FHOD3: variants seen among roughly 807,000 people sequenced by gnomAD.
FHOD3 encodes FH1/FH2 domain-containing protein 3.
Under a neutral mutation model 173.0 loss-of-function variants are expected in FHOD3, and 90 were observed. The ratio of observed to expected loss-of-function variants is 0.52; its 90% CI spans 0.44 to 0.62. The LOEUF (loss-of-function observed/expected upper bound fraction) is 0.62. Among genes scored for constraint, FHOD3 ranks in the 20% least tolerant of loss-of-function variants. The pLI, the probability that FHOD3 is intolerant of heterozygous loss-of-function variation, is 0.00. For missense variants in FHOD3, 1,945 were observed against 2,034.7 expected (o/e 0.96, Z 0.85); for synonymous variants, 828 against 823.0 (o/e 1.01, Z -0.10).
intron 19 of FHOD3, among the ~76,000 whole-genome samples, chr18:36,723,754 G>C (rs575457192): frequency 6.6e-6 from 1 of 152,288 alleles, no homozygotes; most frequent in Admixed American, 6.5e-5. Flanking sequence ...CCTCAGCCCA[G>C]TGTCTATTAT....
intron 3 of FHOD3, among the ~76,000 whole-genome samples, chr18:36,404,075 TCTC>T (rs964954397): frequency 1.3e-5 from 2 of 152,142 alleles, no homozygotes; most frequent in Admixed American, 6.6e-5. Context: ...TAACTTACGT[TCTC>T]CTCTCTTCCC....
At chr18:36,532,015 C>T (rs2146882003) in intron 5 of FHOD3, among the ~76,000 whole-genome samples, 1 of 152,342 alleles carries the variant, frequency 6.6e-6, no homozygotes, top group Non-Finnish European at 1.5e-5. Flanking sequence ...CTCCTGCCTG[C>T]CCTCAGCCTC....
At chr18:36,463,680 G>C (rs931368459) in intron 3 of FHOD3, among the ~76,000 whole-genome samples, 4 of 151,928 alleles carry the variant, frequency 2.6e-5, no homozygotes, top group Non-Finnish European at 4.4e-5. Context: ...ATTTTCTGTA[G>C]AGATAGGGTT....
intron 3 of FHOD3, among the ~76,000 whole-genome samples, chr18:36,491,810 A>G (rs1259486589): frequency 6.6e-6 from 1 of 151,960 alleles, no homozygotes; most frequent in South Asian, 2.1e-4. Flanking sequence ...TTGACAGCTC[A>G]TTTCTTTTTA....
chr18:36,300,812 C>T (rs924832582), intron 1 of FHOD3, among the ~76,000 whole-genome samples: 2 of 151,986 alleles, frequency 1.3e-5, no homozygotes, highest in African/African-American at 4.8e-5. Flanking sequence ...GATCATGGCT[C>T]ACTGTAACCT....
chr18:36,767,637 T>C (rs2043196267), intron 27 of FHOD3, among the ~76,000 whole-genome samples: 1 of 152,156 alleles, frequency 6.6e-6, no homozygotes, highest in South Asian at 2.1e-4. Context: ...ATCTTACCAT[T>C]GGAAAACATC....
intron 17 of FHOD3, among the ~76,000 whole-genome samples, chr18:36,704,336 T>C (rs996018727): frequency 6.6e-6 from 1 of 152,226 alleles, no homozygotes; most frequent in Admixed American, 6.5e-5. Flanking sequence ...GATCCCAGTT[T>C]TGGATGCCTG....
At position 36,369,632 on chromosome 18, in the gene FHOD3, A is replaced by C. The variant is rs542369553; in HGVS notation, c.273-3048A>C. Among the ~76,000 whole-genome samples, 161 of 152,174 alleles carry C rather than the reference A, an allele frequency of 1.1e-3. 5 individuals are homozygous for C. The South Asian group carries it at 0.031, about 29-fold the overall frequency. ...ATAATATATATGTTATATACATGTA[A>C]AACTATTATATTGGACTCTAATTCT... On this transcript the variant is annotated intron_variant, in intron 2 of 28. Coordinates refer to ENST00000590592, the MANE Select transcript of FHOD3 (RefSeq NM_001281740.3).
intron 3 of FHOD3, among the ~76,000 whole-genome samples, chr18:36,470,489 G>C (rs2053217783): frequency 6.6e-6 from 1 of 152,202 alleles, no homozygotes; most frequent in Non-Finnish European, 1.5e-5. Flanking sequence ...GGAGGGAGTG[G>C]AATAGGATAC....
chr18:36,337,237 TA>T lies in FHOD3; in HGVS notation c.166-18300del, dbSNP rs199828157. The stretch of plus-strand genomic sequence containing the variant: ...AGATTCTCCAGACTCACAAATGAGC[TA>T]ACTTGGAACATTCCCAGAGTCTGTA... On this transcript the variant is annotated intron_variant, in intron 1 of 28. Coordinates refer to ENST00000590592, the MANE Select transcript of FHOD3 (RefSeq NM_001281740.3). Among the ~76,000 whole-genome samples, 677 of 152,132 alleles carry T rather than the reference TA, an allele frequency of 4.5e-3. 6 individuals are homozygous for T. The highest frequency in any genetic ancestry group is 4.6e-3 in the Non-Finnish European group (313 of 67,988).
chr18:36,450,310 GC>G (rs1212433985), intron 3 of FHOD3, among the ~76,000 whole-genome samples: 1 of 152,166 alleles, frequency 6.6e-6, no homozygotes, highest in African/African-American at 2.4e-5. Context: ...AAGGCAGCCA[GC>G]GGAGCTCCCT....
intron 18 of FHOD3, among the ~76,000 whole-genome samples, chr18:36,712,384 A>G (rs1708049734): frequency 6.6e-6 from 1 of 152,230 alleles, no homozygotes; most frequent in African/African-American, 2.4e-5. Context: ...GGGAATACGT[A>G]AAAAGTAAAA....
intron 3 of FHOD3, among the ~76,000 whole-genome samples, chr18:36,434,520 A>G (rs1413423112): frequency 1.3e-5 from 2 of 152,176 alleles, no homozygotes; most frequent in African/African-American, 4.8e-5. Flanking sequence ...TGTCAAAATT[A>G]TTTTGATTGT....
At position 36,692,952 on chromosome 18, in the gene FHOD3, G is replaced by A. The variant is rs927141557; in HGVS notation, c.2022-257G>A. On this transcript the variant is annotated intron_variant, in intron 16 of 28. Coordinates refer to ENST00000590592, the MANE Select transcript of FHOD3 (RefSeq NM_001281740.3). ...TAAAAGAGCAAGATAGGATTCTGCA[G>A]CAGTGATCCAGTATCTAGGGACTGT... 1.3e-5 allele frequency: 7 copies of A among 534,736 alleles called. No homozygotes were observed. The South Asian group carries it at 1.3e-4, about 10-fold the overall frequency. 33.1% of individuals were successfully genotyped at this position (534,736 alleles called of 1,614,324 possible).
At chr18:36,771,927 GTTC>G (rs993894417) in intron 28 of FHOD3, among the ~76,000 whole-genome samples, 1 of 152,232 alleles carries the variant, frequency 6.6e-6, no homozygotes, top group East Asian at 1.9e-4. Flanking sequence ...CCCAGAGCAT[GTTC>G]TTCTCCTCCA....
chr18:36,430,862 G>A (rs1419298905), intron 3 of FHOD3, among the ~76,000 whole-genome samples: 1 of 152,096 alleles, frequency 6.6e-6, no homozygotes, highest in Non-Finnish European at 1.5e-5. Context: ...TGTTGTTATT[G>A]TTTTGAGTTA....
intron 9 of FHOD3, among the ~76,000 whole-genome samples, chr18:36,619,322 A>T (rs1189148997): frequency 1.3e-5 from 2 of 152,182 alleles, no homozygotes; most frequent in Non-Finnish European, 2.9e-5. Flanking sequence ...CCTGAAAGCC[A>T]CACATGAAAT....
At chr18:36,459,193 A>G (rs1271685735) in intron 3 of FHOD3, among the ~76,000 whole-genome samples, 2 of 152,192 alleles carry the variant, frequency 1.3e-5, no homozygotes, top group Non-Finnish European at 1.5e-5. Context: ...AACAGAAGCC[A>G]TCATAAGAAA....
At chr18:36,677,101 A>G (rs595482) in intron 14 of FHOD3, among the ~76,000 whole-genome samples, 68,555 of 151,544 alleles carry the variant, frequency 0.45, 15,908 homozygotes, top group East Asian at 0.56. Flanking sequence ...TGTCTTTTAC[A>G]TTTTTCACTT....
Sources: gnomAD v4.1 joint callset for allele counts (sites outside exome capture counted in the v4.1 genomes callset) on GRCh38, gnomAD v4.1.1 for gene constraint, MANE v1.5 for transcripts, NCBI Gene and HGNC (gene_info 2026-07-23, HGNC 2026-07-21) for gene names.